The following LUZP2 variants were observed in gnomAD, a reference collection of about 807,000 sequenced individuals.
LUZP2 encodes the protein leucine zipper protein 2.
A neutral mutation model predicts 51.6 loss-of-function variants in LUZP2; 52 were observed. That is an observed-to-expected ratio of 1.01 (90% CI 0.81 to 1.27). The LOEUF (loss-of-function observed/expected upper bound fraction) is 1.27, where lower values mean the gene tolerates loss of function less well. LUZP2 is among the 50% of genes most tolerant of loss of function. LUZP2 has a pLI of 0.00. For missense variants in LUZP2, 436 were observed against 395.4 expected (o/e 1.10, Z -0.87); for synonymous variants, 154 against 137.3 (o/e 1.12, Z -0.85).
intron 5 of LUZP2, among the ~76,000 whole-genome samples, chr11:24,791,052 T>C (rs540161323): frequency 1.3e-5 from 2 of 152,326 alleles, no homozygotes; most frequent in African/African-American, 4.8e-5. Flanking sequence ...TATGTTTAAA[T>C]GGTATCTCGA....
intron 5 of LUZP2, among the ~76,000 whole-genome samples, chr11:24,804,930 C>T (rs552964735): frequency 1.3e-5 from 2 of 152,162 alleles, no homozygotes; most frequent in East Asian, 1.9e-4. Context: ...ACCTCTGCCT[C>T]CCAGGTTCAA....
intron 1 of LUZP2, among the ~76,000 whole-genome samples, chr11:24,583,978 C>T (rs999738213): frequency 1.3e-5 from 2 of 151,894 alleles, no homozygotes; most frequent in African/African-American, 4.8e-5. Flanking sequence ...TCCCAAAGTG[C>T]TGAGATTACA....
intron 1 of LUZP2, among the ~76,000 whole-genome samples, chr11:24,711,488 A>C (rs968062445): frequency 1.9e-5 from 2 of 106,846 alleles, no homozygotes; most frequent in Non-Finnish European, 4.5e-5. Context: ...TAAATAAATA[A>C]ATAAAGATTT....
chr11:24,958,198 T>C (rs1268071434), intron 7 of LUZP2, among the ~76,000 whole-genome samples: 3 of 152,158 alleles, frequency 2.0e-5, no homozygotes, highest in Non-Finnish European at 2.9e-5. Flanking sequence ...TTGTGAATAG[T>C]GCCACAATAA....
At chr11:24,621,923 T>C (rs575026981) in intron 1 of LUZP2, among the ~76,000 whole-genome samples, 183 of 151,724 alleles carry the variant, frequency 1.2e-3, no homozygotes, top group Middle Eastern at 3.4e-3. Flanking sequence ...TACAGTTTCT[T>C]GTGAACACTG....
intron 10 of LUZP2, among the ~76,000 whole-genome samples, chr11:25,054,148 T>C (rs755244261): frequency 7.2e-5 from 11 of 152,202 alleles, no homozygotes; most frequent in African/African-American, 2.7e-4. Context: ...CACCAGTTTT[T>C]GGGGTGGTAG....
intron 1 of LUZP2, among the ~76,000 whole-genome samples, chr11:24,685,240 C>A (rs1487130425): frequency 6.6e-6 from 1 of 152,026 alleles, no homozygotes; most frequent in Non-Finnish European, 1.5e-5. Context: ...TCGAGAAAAC[C>A]AAATTTATCT....
Position 24,640,570 on chromosome 11 carries a change from CTTTA to C in LUZP2, c.63-88590_63-88587del, listed in dbSNP as rs146238756. Among the ~76,000 whole-genome samples, 1,265 of 151,828 alleles carry C rather than the reference CTTTA, an allele frequency of 8.3e-3. 19 individuals are homozygous for C. Among genetic ancestry groups the C allele is most frequent in the South Asian group, 0.034 (166 of 4,826 alleles). ...TGGCATGTATACAAAAGATAAAATA[CTTTA>C]TTTATTTAGATAAATGTTTGGCACA... is the stretch of plus-strand genomic sequence containing the variant. On this transcript the variant is annotated intron_variant, in intron 1 of 11. Coordinates refer to ENST00000336930, the MANE Select transcript of LUZP2 (RefSeq NM_001009909.4).
At chr11:24,687,727 A>G (rs776105636) in intron 1 of LUZP2, among the ~76,000 whole-genome samples, 21 of 152,260 alleles carry the variant, frequency 1.4e-4, no homozygotes, top group Admixed American at 5.2e-4. Context: ...TCCTCCACTC[A>G]TGCTCAGGCA....
intron 5 of LUZP2, among the ~76,000 whole-genome samples, chr11:24,815,005 AAT>A (rs201421820): frequency 0.1 from 14,039 of 139,878 alleles, 1,919 homozygotes; most frequent in African/African-American, 0.32. Context: ...AAAAAAAAAA[AAT>A]AAAAATAATC....
At chr11:24,600,603 C>T (rs11028045) in intron 1 of LUZP2, among the ~76,000 whole-genome samples, 4,377 of 152,114 alleles carry the variant, frequency 0.029, 99 homozygotes, top group South Asian at 0.094. Flanking sequence ...TGTATTTTTC[C>T]GCAAATTATC....
intron 1 of LUZP2, among the ~76,000 whole-genome samples, chr11:24,631,964 C>G (rs1262848805): frequency 6.6e-6 from 1 of 151,984 alleles, no homozygotes; most frequent in Non-Finnish European, 1.5e-5. Flanking sequence ...AAACAGCCTG[C>G]TGCTGCTGCC....
At chr11:25,036,368 T>G (rs781446353) in intron 9 of LUZP2, among the ~76,000 whole-genome samples, 1 of 152,054 alleles carries the variant, frequency 6.6e-6, no homozygotes, top group Non-Finnish European at 1.5e-5. Flanking sequence ...TTTCTTTTTC[T>G]TTGTTAGTCT....
At chr11:24,694,745 A>C (rs987554341) in intron 1 of LUZP2, among the ~76,000 whole-genome samples, 1 of 152,164 alleles carries the variant, frequency 6.6e-6, no homozygotes, top group Non-Finnish European at 1.5e-5. Flanking sequence ...GCAGCCATAA[A>C]AAAGAAAGAC....
chr11:24,742,075 A>C (rs931194143), intron 4 of LUZP2, among the ~76,000 whole-genome samples: 20 of 140,622 alleles, frequency 1.4e-4, no homozygotes, highest in Non-Finnish European at 2.3e-4. Context: ...ATATATATAT[A>C]TCACCATTTC....
At chr11:24,643,578 C>G (rs1262435380) in intron 1 of LUZP2, among the ~76,000 whole-genome samples, 1 of 152,118 alleles carries the variant, frequency 6.6e-6, no homozygotes, top group Non-Finnish European at 1.5e-5. Context: ...TTCATGCCAA[C>G]TACATAAGGC....
rs775385615 is a variant in LUZP2, at chr11:24,682,592, G to GCA, written c.63-46577_63-46576insCA. ...ACTGAATTTATATATATATATGTGT[G>GCA]TGTGTGTATATATATGTGTATGTGT... is the stretch of plus-strand genomic sequence containing the variant. On this transcript the variant is annotated intron_variant, in intron 1 of 11. Transcript: ENST00000336930. 2.1e-4 allele frequency among the ~76,000 whole-genome samples: 20 copies of GCA among 96,952 alleles called. 1 individual carries two copies. The highest frequency in any genetic ancestry group is 5.1e-4 in the African/African-American group (14 of 27,334). 63.6% of individuals were successfully genotyped at this position (96,952 alleles called of 152,430 possible).
chr11:24,919,537 G>T (rs58569900), intron 7 of LUZP2, among the ~76,000 whole-genome samples: 76,180 of 132,640 alleles, frequency 0.57, 22,429 homozygotes, highest in East Asian at 0.83. Flanking sequence ...TATATATACT[G>T]TATATGTATT....
At chr11:24,887,525 T>C (rs1852709056) in intron 5 of LUZP2, among the ~76,000 whole-genome samples, 1 of 152,312 alleles carries the variant, frequency 6.6e-6, no homozygotes, top group East Asian at 1.9e-4. Context: ...GGCACCAGTC[T>C]GCTAGGCAAA....
Sources: allele counts gnomAD v4.1 joint callset (sites outside exome capture counted in the v4.1 genomes callset), GRCh38; gene constraint gnomAD v4.1.1; transcripts MANE v1.5; gene names NCBI Gene and HGNC (gene_info 2026-07-23, HGNC 2026-07-21).